SYNE2: variants seen among roughly 807,000 people sequenced by gnomAD.
SYNE2 encodes spectrin repeat containing nuclear envelope protein 2.
A neutral mutation model predicts 856.3 loss-of-function variants in SYNE2; 431 were observed. The ratio of observed to expected loss-of-function variants is 0.50; its 90% CI spans 0.47 to 0.55. The LOEUF (loss-of-function observed/expected upper bound fraction) is 0.55. SYNE2 is among the 20% of genes least tolerant of loss of function. The probability of loss-of-function intolerance (pLI) is 0.00; values close to 1 mark genes in which losing one functional copy is unlikely to be tolerated. For synonymous variants in SYNE2, 2,923 were observed against 2,872.3 expected (o/e 1.02, Z -0.56); for missense variants, 8,129 against 8,023.2 (o/e 1.01, Z -0.50).
At chr14:63,882,196 C>T (rs867104370) in intron 1 of SYNE2, among the ~76,000 whole-genome samples, 3 of 152,088 alleles carry the variant, frequency 2.0e-5, no homozygotes, top group Non-Finnish European at 4.4e-5. Flanking sequence ...TCAGCTCTTT[C>T]CATCCTGACA....
At chr14:64,159,619 C>T (rs544045599) in intron 87 of SYNE2, among the ~76,000 whole-genome samples, 177 bp downstream of exon 87, 12 of 152,102 alleles carry the variant, frequency 7.9e-5, no homozygotes, top group Non-Finnish European at 1.2e-4. Flanking sequence ...GTCATGAGGG[C>T]TGTGACATCC....
chr14:63,974,835 CGTGT>C (rs35516224), intron 11 of SYNE2, among the ~76,000 whole-genome samples: 5 of 113,096 alleles, frequency 4.4e-5, no homozygotes, highest in Admixed American at 3.0e-4. Flanking sequence ...TGTATATAGA[CGTGT>C]GTGTGTGTGT....
intron 2 of SYNE2, among the ~76,000 whole-genome samples, chr14:63,922,342 A>T (rs575386646): frequency 6.6e-6 from 1 of 152,276 alleles, no homozygotes; most frequent in Admixed American, 6.5e-5. Flanking sequence ...AATATCCTCC[A>T]TCTTCTGGGA....
chr14:64,097,225 T>C (rs1013348605), intron 61 of SYNE2, among the ~76,000 whole-genome samples: 4 of 152,220 alleles, frequency 2.6e-5, no homozygotes, highest in Admixed American at 2.6e-4. Context: ...CTGTCCATCA[T>C]TCCCATAATA....
intron 1 of SYNE2, among the ~76,000 whole-genome samples, chr14:63,781,620 T>C (rs1212793378): frequency 1.3e-5 from 2 of 151,712 alleles, no homozygotes; most frequent in African/African-American, 2.4e-5. Context: ...AGGGCTAGCA[T>C]GAACCCCAGA....
chr14:64,126,061 G>T (rs1173717330), intron 71 of SYNE2, among the ~76,000 whole-genome samples: 1 of 152,192 alleles, frequency 6.6e-6, no homozygotes, highest in African/African-American at 2.4e-5. Context: ...CCTGCTAAGG[G>T]ATCCTTCATC....
chr14:64,200,122 T>C (rs568852798), intron 99 of SYNE2, among the ~76,000 whole-genome samples: 1 of 152,192 alleles, frequency 6.6e-6, no homozygotes, highest in Non-Finnish European at 1.5e-5. Context: ...TTCCGGTGTG[T>C]TAATTGCTTT....
intron 19 of SYNE2, among the ~76,000 whole-genome samples, chr14:63,987,270 G>A (rs1456058992): frequency 6.6e-6 from 1 of 150,990 alleles, no homozygotes; most frequent in East Asian, 1.9e-4. Flanking sequence ...AAAAAAAAAA[G>A]AAATCATACA....
chr14:64,200,093 C>G (rs2098555556), intron 99 of SYNE2, among the ~76,000 whole-genome samples: 1 of 152,192 alleles, frequency 6.6e-6, no homozygotes. Flanking sequence ...TAGCTCCTTT[C>G]ATTTAACCAG....
intron 1 of SYNE2, among the ~76,000 whole-genome samples, chr14:63,847,803 C>G (rs549657910): frequency 3.1e-4 from 47 of 152,094 alleles, no homozygotes; most frequent in African/African-American, 1.1e-3. Context: ...CCAGGCTGGT[C>G]TTGAACTCGT....
At chr14:64,088,929 C>G (rs531114109) in intron 58 of SYNE2, among the ~76,000 whole-genome samples, 1 of 152,166 alleles carries the variant, frequency 6.6e-6, no homozygotes, top group African/African-American at 2.4e-5. Flanking sequence ...GAAAATTACC[C>G]TAAAATACAT....
chr14:64,062,770 T>C lies in SYNE2; in HGVS notation c.10087T>C (p.Cys3363Arg). The change falls in exon 50 of 116, where the codon TGC becomes CGC. Residue 3363 changes from cysteine (C) to arginine (R), a missense_variant. This residue lies in a region of SYNE2 where 5,410 missense variants were observed against 5,284.8 expected (regional missense o/e 1.02). Transcript: ENST00000555002. ...EAERYLENYK[C>R]YRKMEEDIYT... Reference sequence around the variant, plus strand: ...CACTAGGTATCTTGAGAATTACAAATGCTATAGAAAAATGGAAGAGGATAT... The same window carrying C: ...CACTAGGTATCTTGAGAATTACAAACGCTATAGAAAAATGGAAGAGGATAT... 1 of 1,613,866 alleles carries C rather than the reference T, an allele frequency of 6.2e-7. No individual in the cohort carries two copies.
intron 74 of SYNE2, among the ~76,000 whole-genome samples, chr14:64,128,780 T>A (rs1386812420): frequency 2.0e-5 from 3 of 152,156 alleles, no homozygotes; most frequent in Non-Finnish European, 2.9e-5. Flanking sequence ...CATGACAAAA[T>A]GTGTATGTCC....
chr14:64,004,691 G>A (rs77223042), intron 30 of SYNE2, among the ~76,000 whole-genome samples: 1,577 of 152,106 alleles, frequency 0.01, 18 homozygotes, highest in African/African-American at 0.036. Context: ...CTTGAGTTCC[G>A]CAGGCTCAGT....
Position 64,210,019 on chromosome 14 carries a change from G to A in SYNE2, c.18618G>A (p.Glu6206=). The A allele has an allele frequency of 3.1e-6, 5 of 1,614,156 alleles. No homozygotes were observed. The highest frequency in any genetic ancestry group is 4.2e-6 in the Non-Finnish European group (5 of 1,180,042). The change falls in exon 103 of 116, where the codon GAG becomes GAA. Residue 6206 remains glutamate, a synonymous_variant. Coordinates refer to ENST00000555002, the MANE Select transcript of SYNE2 (RefSeq NM_182914.3). ...AGCAGTACCGGCGGCTGGCCCGGGA[G>A]AACCGCACAGACACGGCCAGCAGGC... is the stretch of plus-strand genomic sequence containing the variant. ...INKQYRRLAR[E]NRTDTASRLK... is the part of the protein sequence containing the mutation.
At chr14:63,990,676 T>G in intron 20 of SYNE2, 107 bp downstream of exon 20, 1 of 1,019,100 alleles carries the variant, frequency 9.8e-7, no homozygotes, top group Non-Finnish European at 1.5e-6. Flanking sequence ...AAATGTTTTG[T>G]AAAATATTAC....
Position 64,175,013 on chromosome 14 carries a change from C to T in SYNE2, c.17305C>T (p.Leu5769=). The T allele has an allele frequency of 6.2e-7, 1 of 1,614,120 alleles. No individual in the cohort carries two copies. Among genetic ancestry groups the T allele is most frequent in the Non-Finnish European group, 8.5e-7 (1 of 1,180,014 alleles). Residue 5769 remains leucine (L), a synonymous_variant, in exon 95 of 116, where the codon CTG becomes TTG. Coordinates refer to ENST00000555002, the MANE Select transcript of SYNE2 (RefSeq NM_182914.3). Reference sequence around the variant, plus strand: ...AACCTTGGAAGCTGGAGAAAAGTTACTGCTCACAACTGACCTGAAAACTAA... The same window carrying T: ...AACCTTGGAAGCTGGAGAAAAGTTATTGCTCACAACTGACCTGAAAACTAA... ...ALTLEAGEKL[L]LTTDLKTKES... is the part of the protein sequence containing the mutation.
At chr14:64,188,916 T>C (rs1244344004) in intron 98 of SYNE2, 1 of 708,766 alleles carries the variant, frequency 1.4e-6, no homozygotes, top group Middle Eastern at 2.3e-4. Flanking sequence ...CCATTGTCAG[T>C]GGGCATGGTA....
intron 1 of SYNE2, among the ~76,000 whole-genome samples, chr14:63,814,881 T>TATACATATCC (rs1888833832): frequency 1.4e-5 from 1 of 72,858 alleles, no homozygotes; most frequent in Admixed American, 1.7e-4. Flanking sequence ...TATATATCCA[T>TATACATATCC]ATATATATCC....
Sources: gnomAD v4.1 joint callset for allele counts (sites outside exome capture counted in the v4.1 genomes callset) on GRCh38, gnomAD v4.1.1 for gene constraint, gnomAD v4.1.1 regional missense constraint, MANE v1.5 for transcripts, NCBI Gene and HGNC (gene_info 2026-07-23, HGNC 2026-07-21) for gene names.